WASHC4: variants seen among roughly 807,000 people sequenced by gnomAD.
WASHC4 encodes the protein WASH complex subunit 7.
A neutral mutation model predicts 166.6 loss-of-function variants in WASHC4; 86 were observed. That is an observed-to-expected ratio of 0.52 (90% confidence interval 0.43 to 0.62). The LOEUF is 0.62. WASHC4 is among the 20% of genes least tolerant of loss of function. The pLI, the probability that WASHC4 is intolerant of heterozygous loss-of-function variation, is 0.00. For missense variants in WASHC4, 1,262 were observed against 1,382.4 expected (o/e 0.91, Z 1.38); for synonymous variants, 446 against 451.6 (o/e 0.99, Z 0.16).
At chr12:105,119,745 A>G (rs536690562) in intron 7 of WASHC4, among the ~76,000 whole-genome samples, 15 of 152,224 alleles carry the variant, frequency 9.9e-5, no homozygotes, top group Non-Finnish European at 1.8e-4. Context: ...TAAAATATGC[A>G]TTCTATCTTG....
At chr12:105,132,264 C>T (rs759847906) in intron 13 of WASHC4, among the ~76,000 whole-genome samples, 10 of 152,168 alleles carry the variant, frequency 6.6e-5, no homozygotes, top group South Asian at 2.1e-4. Flanking sequence ...TTCCGCCTCC[C>T]GGGTTTAAGC....
intron 29 of WASHC4, among the ~76,000 whole-genome samples, chr12:105,161,599 AAAG>A (rs1884500384): frequency 6.6e-6 from 1 of 152,250 alleles, no homozygotes; most frequent in African/African-American, 2.4e-5. Flanking sequence ...AAAGCACTAC[AAAG>A]AAGTATAGAA....
intron 14 of WASHC4, 143 bp downstream of exon 14, chr12:105,134,039 T>A: frequency 1.4e-6 from 1 of 720,908 alleles, no homozygotes. Flanking sequence ...CTGTGTGACT[T>A]ATTAATTTAA....
intron 22 of WASHC4, among the ~76,000 whole-genome samples, chr12:105,146,062 T>C (rs1193976698): frequency 1.3e-5 from 2 of 152,060 alleles, no homozygotes; most frequent in African/African-American, 2.4e-5. Flanking sequence ...ACCTGAAAAA[T>C]AGTATGTATT....
rs1415493473 is a variant in WASHC4, at chr12:105,168,212, A to C, written c.*1281A>C. 3.9e-5 allele frequency: 6 copies of C among 152,338 alleles called. No individual in the cohort carries two copies. The East Asian group carries it at 1.2e-3, about 29-fold the overall frequency. 9.4% of individuals were successfully genotyped at this position (152,338 alleles called of 1,614,324 possible). ...GGTGTACAATGCCCTGTTTGTACTT[A>C]CTGGTTAGGGTCAGGGTAACTTGCC... On this transcript the variant is annotated 3_prime_UTR_variant, in exon 33 of 33. Transcript: ENST00000332180.
chr12:105,121,931 C>T (rs574849169), intron 9 of WASHC4, among the ~76,000 whole-genome samples, 187 bp from the exon 10 acceptor site: 10 of 152,144 alleles, frequency 6.6e-5, no homozygotes, highest in Admixed American at 4.6e-4. Context: ...GATTATGAGG[C>T]ATTTTGATTG....
At chr12:105,118,124 A>G (rs188704060) in intron 6 of WASHC4, among the ~76,000 whole-genome samples, 485 of 152,340 alleles carry the variant, frequency 3.2e-3, no homozygotes, top group Non-Finnish European at 5.4e-3. Flanking sequence ...GTTAGTCACT[A>G]TGCTAGGCAG....
intron 25 of WASHC4, 33 bp from the exon 26 acceptor site, chr12:105,152,310 T>A (rs747122817): frequency 3.7e-5 from 40 of 1,080,012 alleles, no homozygotes; most frequent in Non-Finnish European, 4.3e-6. Context: ...TTAGAAATCT[T>A]TATTAAAAGT....
chr12:105,111,309 A>G (rs1373837690), intron 2 of WASHC4, 45 bp downstream of exon 2: 4 of 1,257,284 alleles, frequency 3.2e-6, no homozygotes, highest in South Asian at 1.3e-5. Context: ...TTTTCTGGAC[A>G]TACTATATCC....
At chr12:105,123,329 A>G (rs1880964502) in intron 10 of WASHC4, among the ~76,000 whole-genome samples, 1 of 152,132 alleles carries the variant, frequency 6.6e-6, no homozygotes, top group African/African-American at 2.4e-5. Context: ...GGGTGGGGAA[A>G]GCAGAGATAG....
intron 16 of WASHC4, 26 bp downstream of exon 16, chr12:105,140,427 A>C (rs183634661): frequency 2.7e-6 from 4 of 1,462,540 alleles, no homozygotes; most frequent in Admixed American, 1.7e-5. Context: ...TGTATTTAGC[A>C]TAAGTATGTT....
At chr12:105,151,125 A>T (rs1231835644) in intron 25 of WASHC4, among the ~76,000 whole-genome samples, 1 of 125,916 alleles carries the variant, frequency 7.9e-6, no homozygotes, top group Non-Finnish European at 1.6e-5. Flanking sequence ...AGCCTGAGTG[A>T]CAAGAGCAAG....
At chr12:105,159,805 A>T (rs970599617) in intron 28 of WASHC4, among the ~76,000 whole-genome samples, 196 bp from the exon 29 acceptor site, 1 of 152,182 alleles carries the variant, frequency 6.6e-6, no homozygotes, top group African/African-American at 2.4e-5. Context: ...TATTTTTGGG[A>T]CTAAATTTAC....
intron 21 of WASHC4, 129 bp from the exon 22 acceptor site, chr12:105,144,589 A>G (rs1883142370): frequency 9.0e-7 from 1 of 1,113,770 alleles, no homozygotes; most frequent in Non-Finnish European, 1.3e-6. Flanking sequence ...TTCTTTTCTC[A>G]TTTTTATTAA....
At chr12:105,155,581 C>T (rs919520943) in intron 26 of WASHC4, among the ~76,000 whole-genome samples, 2 of 80 alleles carry the variant, frequency 0.025, no homozygotes, top group African/African-American at 0.1. Flanking sequence ...GGCTCACACA[C>T]TGTAATCCCA....
chr12:105,167,528 T>C lies in WASHC4; in HGVS notation c.*597T>C, dbSNP rs1372007085. 3 of 152,710 alleles carry C rather than the reference T, an allele frequency of 2.0e-5. No individual in the cohort carries two copies. The highest frequency in any genetic ancestry group is 4.4e-5 in the Non-Finnish European group (3 of 68,110). 9.5% of individuals were successfully genotyped at this position (152,710 alleles called of 1,614,324 possible). On this transcript the variant is annotated 3_prime_UTR_variant, in exon 33 of 33. Coordinates refer to ENST00000332180, the MANE Select transcript of WASHC4 (RefSeq NM_015275.3). ...TCATGTGACTCACAAGAGCTGCTGATGTCTTTGATGAGACATTTTATAACT... is the reference window on the plus strand; with the variant it reads ...TCATGTGACTCACAAGAGCTGCTGACGTCTTTGATGAGACATTTTATAACT...
intron 24 of WASHC4, chr12:105,148,939 G>C (rs1883519599): frequency 1.0e-6 from 1 of 985,130 alleles, no homozygotes; most frequent in African/African-American, 1.7e-5. Flanking sequence ...AGGATTTTCT[G>C]AGTCAAGGGC....
chr12:105,139,264 T>C (rs1024359842), intron 15 of WASHC4, among the ~76,000 whole-genome samples: 1 of 151,826 alleles, frequency 6.6e-6, no homozygotes, highest in Non-Finnish European at 1.5e-5. Flanking sequence ...TCATAAACAA[T>C]GTTGCCATCC....
At chr12:105,110,668 CATT>C (rs1229250155) in intron 1 of WASHC4, among the ~76,000 whole-genome samples, 6 of 152,146 alleles carry the variant, frequency 3.9e-5, no homozygotes, top group African/African-American at 7.2e-5. Flanking sequence ...TATTATTAAA[CATT>C]AGTGTGTATA....
Sources: allele counts gnomAD v4.1 joint callset (sites outside exome capture counted in the v4.1 genomes callset), GRCh38; gene constraint gnomAD v4.1.1; transcripts MANE v1.5; gene names NCBI Gene and HGNC (gene_info 2026-07-23, HGNC 2026-07-21).